The following COA1 variants were observed in gnomAD, a reference collection of about 807,000 sequenced individuals.
COA1 encodes the protein cytochrome c oxidase assembly factor 1.
Under a neutral mutation model 16.0 loss-of-function variants are expected in COA1, and 13 were observed. The ratio of observed to expected loss-of-function variants is 0.81; its 90% confidence interval spans 0.53 to 1.29. The LOEUF is 1.29. Ranked by LOEUF, COA1 falls within the 50% of genes most tolerant of loss-of-function variation. COA1 has a pLI of 0.00. For synonymous variants in COA1, 65 were observed against 65.7 expected (o/e 0.99, Z 0.05); for missense variants, 179 against 177.0 (o/e 1.01, Z -0.06).
At chr7:43,644,779 C>G (rs1470020542) in intron 4 of COA1, among the ~76,000 whole-genome samples, 6 of 71,248 alleles carry the variant, frequency 8.4e-5, no homozygotes, top group African/African-American at 2.9e-4. Flanking sequence ...GGCAGGCAGG[C>G]AGGCAGGCAG....
chr7:43,615,983 C>T (rs1404212359), intron 6 of COA1, among the ~76,000 whole-genome samples: 1 of 152,178 alleles, frequency 6.6e-6, no homozygotes, highest in Non-Finnish European at 1.5e-5. Flanking sequence ...GCTTTGAGTT[C>T]CCCATAGTGC....
intron 4 of COA1, among the ~76,000 whole-genome samples, chr7:43,642,766 A>G (rs927887230): frequency 5.9e-5 from 9 of 152,348 alleles, no homozygotes; most frequent in African/African-American, 1.9e-4. Flanking sequence ...GGTAAAGCAA[A>G]GTGTTGGTCA....
intron 1 of COA1, among the ~76,000 whole-genome samples, chr7:43,668,952 T>C (rs1036452859): frequency 1.3e-5 from 2 of 152,200 alleles, no homozygotes; most frequent in African/African-American, 4.8e-5. Flanking sequence ...ACTTATGTCT[T>C]GTATTAATAT....
At chr7:43,670,160 AC>A (rs2093167734) in intron 1 of COA1, among the ~76,000 whole-genome samples, 1 of 152,212 alleles carries the variant, frequency 6.6e-6, no homozygotes, top group African/African-American at 2.4e-5. Flanking sequence ...TGTGTATAAA[AC>A]ATTCAGGCCA....
chr7:43,722,023 A>T (rs1455520144), intron 1 of COA1, among the ~76,000 whole-genome samples: 1 of 152,108 alleles, frequency 6.6e-6, no homozygotes, highest in East Asian at 1.9e-4. Context: ...TGCCCCTAGC[A>T]CAGAACATTT....
intron 1 of COA1, among the ~76,000 whole-genome samples, chr7:43,729,129 C>G (rs534303082): frequency 6.6e-6 from 1 of 152,208 alleles, no homozygotes; most frequent in Non-Finnish European, 1.5e-5. Context: ...TTCGAGAGGA[C>G]CCTAACTCTT....
At chr7:43,654,656 T>G (rs2091433155) in intron 1 of COA1, among the ~76,000 whole-genome samples, 2 of 152,208 alleles carry the variant, frequency 1.3e-5, no homozygotes, top group Admixed American at 1.3e-4. Context: ...AGTGGAGATT[T>G]AGAAACTAAG....
chr7:43,647,957 C>T, intron 2 of COA1: 1 of 296,690 alleles, frequency 3.4e-6, no homozygotes, highest in Non-Finnish European at 6.3e-6. Context: ...CCAAGCCCCG[C>T]ATGGCCAGGA....
At chr7:43,724,427 C>CT (rs2132265351) in intron 1 of COA1, among the ~76,000 whole-genome samples, 1 of 152,172 alleles carries the variant, frequency 6.6e-6, no homozygotes, top group African/African-American at 2.4e-5. Context: ...TGGTGCACGC[C>CT]TGTAGTCCCA....
intron 6 of COA1, among the ~76,000 whole-genome samples, chr7:43,620,145 A>G (rs137978362): frequency 1.2e-3 from 180 of 152,314 alleles, no homozygotes; most frequent in African/African-American, 4.2e-3. Flanking sequence ...GGTTGGATCC[A>G]TGGTTGAGTG....
In COA1 at chr7:43,698,286, C is replaced by T. The variant is rs138678085; in HGVS notation, c.-39+31143G>A. Reference sequence around the variant, plus strand: ...TGGTGTCAATACAACCAACTTAAAACGCTTTTTTTTCCAGGAACTCACTGC... The same window carrying T: ...TGGTGTCAATACAACCAACTTAAAATGCTTTTTTTTCCAGGAACTCACTGC... On this transcript the variant is annotated intron_variant, in intron 1 of 5. Transcript: ENST00000223336. Among the ~76,000 whole-genome samples the T allele has an allele frequency of 1.8e-3, 278 of 152,254 alleles. 1 individual carries two copies. Among genetic ancestry groups the T allele is most frequent in the African/African-American group, 4.4e-3 (181 of 41,550 alleles).
intron 1 of COA1, among the ~76,000 whole-genome samples, chr7:43,690,539 G>A (rs1563377916): frequency 6.6e-6 from 1 of 151,950 alleles, no homozygotes; most frequent in Admixed American, 6.6e-5. Flanking sequence ...AATTGCATTC[G>A]CAGCAACCTG....
intron 1 of COA1, among the ~76,000 whole-genome samples, chr7:43,687,853 T>G (rs936672909): frequency 2.0e-5 from 3 of 152,154 alleles, no homozygotes; most frequent in Non-Finnish European, 4.4e-5. Flanking sequence ...TGATATGGTT[T>G]GGCTGTGTCC....
intron 6 of COA1, among the ~76,000 whole-genome samples, chr7:43,619,330 G>C (rs1025834653): frequency 6.6e-6 from 1 of 152,156 alleles, no homozygotes; most frequent in African/African-American, 2.4e-5. Context: ...AGGATCATGG[G>C]GAATGGTTTC....
At chr7:43,706,631 G>C (rs994970931) in intron 1 of COA1, among the ~76,000 whole-genome samples, 35 of 152,286 alleles carry the variant, frequency 2.3e-4, no homozygotes, top group African/African-American at 8.2e-4. Context: ...AACTTTAGGA[G>C]GGCAAGGTCA....
chr7:43,728,659 G>A (rs1382646987), intron 1 of COA1, among the ~76,000 whole-genome samples: 1 of 152,190 alleles, frequency 6.6e-6, no homozygotes, highest in Non-Finnish European at 1.5e-5. Context: ...GGGAAGGCCA[G>A]GAAGATTCTG....
At chr7:43,654,391 C>T (rs1219222611) in intron 1 of COA1, among the ~76,000 whole-genome samples, 1 of 152,120 alleles carries the variant, frequency 6.6e-6, no homozygotes, top group African/African-American at 2.4e-5. Context: ...AAAAATATCA[C>T]TTTGGGTACT....
intron 1 of COA1, among the ~76,000 whole-genome samples, chr7:43,686,673 G>A (rs1378896286): frequency 2.6e-5 from 4 of 152,188 alleles, no homozygotes; most frequent in African/African-American, 9.6e-5. Context: ...TCCACACCAG[G>A]CTGCCATATG....
chr7:43,628,808 C>T (rs543393392), intron 6 of COA1, among the ~76,000 whole-genome samples: 3 of 152,190 alleles, frequency 2.0e-5, no homozygotes, highest in Non-Finnish European at 4.4e-5. Context: ...TCTTTTCCCA[C>T]TCTATAGCTT....
Sources: gnomAD v4.1 joint callset for allele counts (sites outside exome capture counted in the v4.1 genomes callset) on GRCh38, gnomAD v4.1.1 for gene constraint, MANE v1.5 for transcripts, NCBI Gene and HGNC (gene_info 2026-07-23, HGNC 2026-07-21) for gene names.